The following DPP10 variants were observed in gnomAD, a reference collection of about 807,000 sequenced individuals.
DPP10 encodes inactive dipeptidyl peptidase 10.
In DPP10, 33 loss-of-function variants were observed where a neutral mutation model predicts 120.9. The observed-to-expected ratio is 0.27, with a 90% CI of 0.21 to 0.37. The LOEUF (loss-of-function observed/expected upper bound fraction) is 0.37. DPP10 is among the 10% of genes least tolerant of loss of function. The probability of loss-of-function intolerance (pLI) is 1.00; values close to 1 mark genes in which losing one functional copy is unlikely to be tolerated. For missense variants in DPP10, 816 were observed against 942.8 expected, an observed-to-expected ratio of 0.87 and a Z score of 1.76; for synonymous variants, 337 against 326.1, an observed-to-expected ratio of 1.03 and a Z score of -0.36.
chr2:115,580,303 A>G (rs187313209), intron 5 of DPP10: 1 of 152,314 alleles, frequency 6.6e-6, no homozygotes, highest in East Asian at 1.9e-4. Flanking sequence ...TGTCACAATC[A>G]TTTTAGCAGC....
intron 1 of DPP10, among the ~76,000 whole-genome samples, chr2:114,897,463 A>T (rs1488987924): frequency 6.6e-6 from 1 of 152,340 alleles, no homozygotes; most frequent in East Asian, 1.9e-4. Flanking sequence ...TAAAGCACCA[A>T]AAGCAATGGC....
intron 5 of DPP10, among the ~76,000 whole-genome samples, chr2:115,623,154 T>C (rs752400333): frequency 6.6e-6 from 1 of 152,170 alleles, no homozygotes; most frequent in Non-Finnish European, 1.5e-5. Context: ...TCCATTCATT[T>C]ATTCTTATTG....
intron 1 of DPP10, among the ~76,000 whole-genome samples, chr2:114,808,885 A>G (rs191793726): frequency 3.3e-4 from 51 of 152,268 alleles, no homozygotes; most frequent in Non-Finnish European, 2.1e-4. Context: ...CTTTAATGCT[A>G]TTCTGTTTTC....
chr2:114,466,586 A>T (rs868524450), intron 1 of DPP10, among the ~76,000 whole-genome samples: 3 of 152,230 alleles, frequency 2.0e-5, no homozygotes, highest in Admixed American at 2.0e-4. Context: ...GTGCTGAATA[A>T]GAAAATAATA....
intron 4 of DPP10, among the ~76,000 whole-genome samples, chr2:115,518,196 C>A (rs2077603801): frequency 6.6e-6 from 1 of 152,152 alleles, no homozygotes; most frequent in African/African-American, 2.4e-5. Context: ...ACCTCCAACA[C>A]TGGGGATCAA....
At chr2:114,805,573 A>G (rs987548897) in intron 1 of DPP10, among the ~76,000 whole-genome samples, 1 of 152,148 alleles carries the variant, frequency 6.6e-6, no homozygotes, top group African/African-American at 2.4e-5. Context: ...TCATATATCA[A>G]CTAGGTCTGG....
rs910363816 is a variant in DPP10, at chr2:115,382,913, G to A, written c.271+39001G>A. ...TGGGGCAGGAGGGAAGTCAGAGAAC[G>A]CTGGGGTCTGTCTCTCCTACTCTGC... On this transcript the variant is annotated intron_variant, in intron 3 of 25. Coordinates refer to ENST00000410059, the MANE Select transcript of DPP10 (RefSeq NM_020868.6). Among the ~76,000 whole-genome samples the A allele has an allele frequency of 1.4e-4, 21 of 152,156 alleles. 1 individual carries two copies. The highest frequency in any genetic ancestry group is 3.9e-4 in the Admixed American group (6 of 15,280).
At chr2:114,631,275 G>A (rs961424186) in intron 1 of DPP10, among the ~76,000 whole-genome samples, 22 of 151,946 alleles carry the variant, frequency 1.4e-4, no homozygotes, top group South Asian at 2.1e-4. Flanking sequence ...TGGAGTTTCC[G>A]ACAAACCCAC....
chr2:114,980,687 A>G (rs1700027904), intron 1 of DPP10, among the ~76,000 whole-genome samples: 1 of 151,828 alleles, frequency 6.6e-6, no homozygotes, highest in Non-Finnish European at 1.5e-5. Context: ...AGAAATCCAA[A>G]TGGCCAAAAC....
At chr2:115,042,000 T>C (rs1228029440) in intron 1 of DPP10, among the ~76,000 whole-genome samples, 1 of 146,712 alleles carries the variant, frequency 6.8e-6, no homozygotes, top group Non-Finnish European at 1.5e-5. Context: ...ACTGTTTTTC[T>C]ATCTTATCTT....
intron 11 of DPP10, among the ~76,000 whole-genome samples, chr2:115,761,676 C>A (rs553693010): frequency 2.7e-5 from 4 of 149,654 alleles, no homozygotes; most frequent in Non-Finnish European, 4.4e-5. Context: ...GATATCTTCA[C>A]GTAATGAAGA....
chr2:115,303,149 ATTTTC>A (rs2061215960), intron 1 of DPP10, among the ~76,000 whole-genome samples: 4 of 151,990 alleles, frequency 2.6e-5, no homozygotes, highest in Middle Eastern at 6.8e-3. Context: ...TTGAATTTGA[ATTTTC>A]TTTTTGTGGT....
At chr2:114,787,033 C>A (rs1374334334) in intron 1 of DPP10, among the ~76,000 whole-genome samples, 2 of 152,104 alleles carry the variant, frequency 1.3e-5, no homozygotes, top group East Asian at 3.8e-4. Context: ...CACATTTGAA[C>A]CACAGGAGAC....
At chr2:115,830,792 G>A (rs1250360417) in intron 21 of DPP10, among the ~76,000 whole-genome samples, 1 of 152,084 alleles carries the variant, frequency 6.6e-6, no homozygotes, top group Non-Finnish European at 1.5e-5. Flanking sequence ...GGCAATGTAA[G>A]GAGATAAGAA....
At chr2:114,992,415 C>G (rs888242614) in intron 1 of DPP10, among the ~76,000 whole-genome samples, 11 of 152,292 alleles carry the variant, frequency 7.2e-5, no homozygotes, top group African/African-American at 2.6e-4. Context: ...CAACAGAGAA[C>G]TTCCACAGAT....
At chr2:115,756,541 C>T (rs952315556) in intron 11 of DPP10, among the ~76,000 whole-genome samples, 1 of 151,880 alleles carries the variant, frequency 6.6e-6, no homozygotes, top group Non-Finnish European at 1.5e-5. Flanking sequence ...AATAATTTTA[C>T]ATCAATTAAA....
chr2:115,712,503 C>T (rs555782256), intron 7 of DPP10, among the ~76,000 whole-genome samples: 160 of 109,592 alleles, frequency 1.5e-3, no homozygotes, highest in Non-Finnish European at 2.3e-3. Context: ...TCTCAACATT[C>T]GCAATGAAAT....
intron 1 of DPP10, among the ~76,000 whole-genome samples, chr2:115,093,440 A>G (rs1297886385): frequency 6.6e-6 from 1 of 152,152 alleles, no homozygotes; most frequent in Non-Finnish European, 1.5e-5. Context: ...AATAATAACT[A>G]AAATTTAAGA....
At chr2:114,620,895 A>C (rs546124270) in intron 1 of DPP10, among the ~76,000 whole-genome samples, 1 of 152,244 alleles carries the variant, frequency 6.6e-6, no homozygotes, top group Admixed American at 6.5e-5. Context: ...CAGTAACTAC[A>C]TGACATTCAT....
Sources: gnomAD v4.1 joint callset for allele counts (sites outside exome capture counted in the v4.1 genomes callset) on GRCh38, gnomAD v4.1.1 for gene constraint, MANE v1.5 for transcripts, NCBI Gene and HGNC (gene_info 2026-07-23, HGNC 2026-07-21) for gene names.